BRAT1: variants seen among roughly 807,000 people sequenced by gnomAD.
BRAT1 encodes BRCA1 associated ATM activator 1, also known as integrator complex assembly factor BRAT1.
In BRAT1, 74 loss-of-function variants were observed where a neutral mutation model predicts 70.6. That is an observed-to-expected ratio of 1.05 (90% CI 0.87 to 1.27). The LOEUF is 1.27. Ranked by LOEUF, BRAT1 falls within the 50% of genes most tolerant of loss-of-function variation. The pLI is 0.00. For missense variants in BRAT1, 1,203 were observed against 1,098.2 expected, an observed-to-expected ratio of 1.10 and a Z score of -1.35; for synonymous variants, 615 against 517.1, an observed-to-expected ratio of 1.19 and a Z score of -2.57.
In BRAT1 at chr7:2,543,972, G is replaced by A. The variant is rs1366386044; in HGVS notation, c.431-10C>T. The A allele has an allele frequency of 1.3e-6, 2 of 1,551,242 alleles. No homozygotes were observed. The highest frequency in any genetic ancestry group is 1.8e-6 in the Non-Finnish European group (2 of 1,142,324). ...ATGGTGTCGACCGCACCTGGGTAGG[G>A]GATGGGGGAAGAGAGGGAAAAGGGG... On this transcript the variant is annotated splice_polypyrimidine_tract_variant and intron_variant, in intron 4 of 13. Transcript: ENST00000340611. This position sits in a 1 kb window ranked among gnomAD's most constrained non-coding sequence, Gnocchi z 5.5.
rs1779311489 is a variant in BRAT1, at chr7:2,543,165, C to T, written c.923+39G>A. The T allele has an allele frequency of 1.3e-6, 2 of 1,520,650 alleles. No homozygotes were observed. The highest frequency in any genetic ancestry group is 1.4e-5 in the African/African-American group (1 of 71,202). The allele number at this position is 1,520,650 out of a possible 1,614,324, so 94.2% of individuals were successfully genotyped here. Reference sequence around the variant, plus strand: ...CAACCTCCCTGCCTGCCCCAGCTCCCAGCACCCGCCTCGGAATGAAATGCA... The same window carrying T: ...CAACCTCCCTGCCTGCCCCAGCTCCTAGCACCCGCCTCGGAATGAAATGCA... On this transcript the variant is annotated intron_variant, in intron 6 of 13. Coordinates refer to ENST00000340611, the MANE Select transcript of BRAT1 (RefSeq NM_152743.4). This position sits in a 1 kb window ranked among gnomAD's most constrained non-coding sequence, Gnocchi z 5.5.
At chr7:2,546,160 G>C (rs1779593300) in intron 3 of BRAT1, among the ~76,000 whole-genome samples, 1 of 152,214 alleles carries the variant, frequency 6.6e-6, no homozygotes, top group Non-Finnish European at 1.5e-5. Flanking sequence ...AGAAATTCTT[G>C]GCTGGGAGCA....
chr7:2,547,441 C>T lies in BRAT1; in HGVS notation c.165G>A (p.Leu55=). ...TCAGCACATGGGACAGCAGCTCCAC[C>T]AGGCAGGGGTGCTCCTGCAGCAGCA... is the stretch of plus-strand genomic sequence containing the variant. ...SVVLLQEHPC[L]VELLSHVLKV... Residue 55 remains leucine, a synonymous_variant, in exon 3 of 14, where the codon CTG becomes CTA. Coordinates refer to ENST00000340611, the MANE Select transcript of BRAT1 (RefSeq NM_152743.4). The T allele has an allele frequency of 6.2e-7, 1 of 1,614,078 alleles. No individual in the cohort carries two copies. Among genetic ancestry groups the T allele is most frequent in the Non-Finnish European group, 8.5e-7 (1 of 1,180,016 alleles).
chr7:2,546,305 G>A (rs1779603671), intron 3 of BRAT1, among the ~76,000 whole-genome samples: 1 of 152,080 alleles, frequency 6.6e-6, no homozygotes. Flanking sequence ...GCCAGGTGTG[G>A]TTCATGCACC....
At chr7:2,552,670 T>C (rs887461312) in intron 2 of BRAT1, among the ~76,000 whole-genome samples, 1 of 151,514 alleles carries the variant, frequency 6.6e-6, no homozygotes, top group Non-Finnish European at 1.5e-5. Context: ...TCTATCCCAA[T>C]GCAATTATCA....
chr7:2,547,319 C>T lies in BRAT1; in HGVS notation c.282+5G>A. 2 of 1,613,922 alleles carry T rather than the reference C, an allele frequency of 1.2e-6. No homozygotes were observed. Among genetic ancestry groups the T allele is most frequent in the Non-Finnish European group, 1.7e-6 (2 of 1,179,896 alleles). ...GGACACTCAGGTGGGAGGCCCCAGG[C>T]TCACCTGAAGATACTGGAAGCAGTT... On this transcript the variant is annotated splice_donor_5th_base_variant and intron_variant, in intron 3 of 13. Transcript: ENST00000340611.
At chr7:2,555,096 G>T (rs553812700) in intron 1 of BRAT1, among the ~76,000 whole-genome samples, 3 of 150,912 alleles carry the variant, frequency 2.0e-5, no homozygotes, top group East Asian at 2.0e-4. Flanking sequence ...GAAGCCGGCG[G>T]GGGGGAGAGG....
chr7:2,542,178 G>A lies in BRAT1; in HGVS notation c.957C>T (p.Val319=). The change falls in exon 7 of 14, where the codon GTC becomes GTT. Residue 319 remains valine (V), a synonymous_variant. Transcript: ENST00000340611. Reference sequence around the variant, plus strand: ...GGACACAGGCCAGGGGCTGGAGAAGGACCTGGAAGGCCTGGGTCCTCAGTG... The same window carrying A: ...GGACACAGGCCAGGGGCTGGAGAAGAACCTGGAAGGCCTGGGTCCTCAGTG... ...PQALRTQAFQ[V]LLQPLACVLK... is the part of the protein sequence containing the mutation. 8 of 1,569,254 alleles carry A rather than the reference G, an allele frequency of 5.1e-6. No individual in the cohort carries two copies. Among genetic ancestry groups the A allele is most frequent in the Non-Finnish European group, 6.9e-6 (8 of 1,157,116 alleles).
intron 2 of BRAT1, among the ~76,000 whole-genome samples, chr7:2,551,275 A>G (rs926779421): frequency 6.7e-6 from 1 of 149,590 alleles, no homozygotes; most frequent in South Asian, 2.1e-4. Context: ...ATATATATCT[A>G]TATATAGATA....
In BRAT1 at chr7:2,541,396, G is replaced by A. The variant is rs576753171; in HGVS notation, c.1223C>T (p.Ala408Val). The A allele has an allele frequency of 3.4e-5, 54 of 1,603,872 alleles. No individual in the cohort carries two copies. The South Asian group carries it at 5.1e-4, about 15-fold the overall frequency. Residue 408 changes from alanine (A) to valine (V), a missense_variant, in exon 9 of 14, where the codon GCC (alanine) becomes GTC (valine). Coordinates refer to ENST00000340611, the MANE Select transcript of BRAT1 (RefSeq NM_152743.4). ...ACAGAGGTGGCCCCCCACACTGGAG[G>A]CAGGGGCAGCCGAGCCGTCACAGAG... ...LRLCDGSAAP[A>V]SSVGGHLCGT...
intron 9 of BRAT1, 48 bp downstream of exon 9, chr7:2,541,250 G>T: frequency 6.6e-7 from 1 of 1,519,164 alleles, no homozygotes. Context: ...AAAGGAGAGT[G>T]GGGGCACAGG....
intron 13 of BRAT1, 62 bp downstream of exon 13, chr7:2,539,117 G>A (rs1230764966): frequency 1.3e-6 from 2 of 1,534,356 alleles, no homozygotes; most frequent in African/African-American, 2.7e-5. Flanking sequence ...CCACCCGCAA[G>A]CAAACGAGCA....
intron 7 of BRAT1, 107 bp downstream of exon 7, chr7:2,542,013 T>A (rs898855327): frequency 2.9e-5 from 35 of 1,223,124 alleles, no homozygotes; most frequent in Non-Finnish European, 3.9e-5. Flanking sequence ...GGCCTGGGTG[T>A]GATTAAAGTG....
Position 2,538,615 on chromosome 7 carries a change from C to T in BRAT1, c.1920G>A (p.Gln640=), listed in dbSNP as rs1778881163. 1.1e-5 allele frequency: 17 copies of T among 1,598,218 alleles called. No homozygotes were observed. The highest frequency in any genetic ancestry group is 1.4e-5 in the Non-Finnish European group (17 of 1,179,216). ...DTEQFVATVL[Q]AASRDLDWEV... The stretch of plus-strand genomic sequence containing the variant: ...CCCAGTCCAGGTCTCGGCTCGCCGC[C>T]TGCAGCACAGTGGCCACGAACTGCT... The change falls in exon 14 of 14, where the codon CAG becomes CAA. Residue 640 remains glutamine (Q), a synonymous_variant. Coordinates refer to ENST00000340611, the MANE Select transcript of BRAT1 (RefSeq NM_152743.4).
In BRAT1 at chr7:2,543,665, C is replaced by T. The variant is rs148261595; in HGVS notation, c.728G>A (p.Arg243His). ...TEALWVRLSP[R>H]VACLLERDPI... ...GTCTCTCTCCAGCAGACAGGCCACG[C>T]GGGGACTCAGCCGCACCCACAGGGC... Residue 243 changes from arginine (R) to histidine (H), a missense_variant, in exon 5 of 14, where the codon CGC (arginine) becomes CAC (histidine). By Grantham distance (29) the Arg-to-His change is conservative (BLOSUM62 0). Coordinates refer to ENST00000340611, the MANE Select transcript of BRAT1 (RefSeq NM_152743.4). The surrounding 1 kb of genome is among the most constrained non-coding windows in gnomAD (Gnocchi z 5.5). The T allele has an allele frequency of 3.9e-4, 602 of 1,559,012 alleles. 1 individual carries two copies. The African/African-American group carries it at 4.9e-3, about 13-fold the overall frequency.
intron 4 of BRAT1, chr7:2,544,198 TTG>T (rs1562581001): frequency 2.5e-5 from 8 of 325,338 alleles, no homozygotes; most frequent in East Asian, 4.4e-5. Context: ...TTCCTTCTTG[TTG>T]TTTTTTTTTT....
chr7:2,551,669 A>G (rs1583336064), intron 2 of BRAT1, among the ~76,000 whole-genome samples: 1 of 151,500 alleles, frequency 6.6e-6, no homozygotes, highest in African/African-American at 2.4e-5. Flanking sequence ...GACGCGCAAA[A>G]ACCCTGGCTC....
At chr7:2,542,279 C>A (rs778985503) in intron 6 of BRAT1, 68 bp from the exon 7 acceptor site, 78 of 1,328,918 alleles carry the variant, frequency 5.9e-5, no homozygotes, top group Admixed American at 1.6e-4. Context: ...CTCCTAATGT[C>A]CCCAGCAAGC....
chr7:2,554,906 A>C (rs958684504), intron 1 of BRAT1, among the ~76,000 whole-genome samples: 7 of 151,936 alleles, frequency 4.6e-5, no homozygotes, highest in Non-Finnish European at 1.0e-4. Flanking sequence ...TGGTGGCTGC[A>C]TTTGACGTCC....
Sources: allele counts gnomAD v4.1 joint callset (sites outside exome capture counted in the v4.1 genomes callset), GRCh38; gene constraint gnomAD v4.1.1; non-coding constraint Gnocchi (gnomAD v3.1); transcripts MANE v1.5; gene names NCBI Gene and HGNC (gene_info 2026-07-23, HGNC 2026-07-21).